FGF12: variants seen among roughly 807,000 people sequenced by gnomAD.
FGF12 encodes fibroblast growth factor 12.
Under a neutral mutation model 23.6 loss-of-function variants are expected in FGF12, and 14 were observed. The ratio of observed to expected loss-of-function variants is 0.59; its 90% CI spans 0.39 to 0.93. The LOEUF is 0.93. Ranked by LOEUF, FGF12 falls within the 40% of genes least tolerant of loss-of-function variation. The pLI is 0.00. For missense variants in FGF12, 175 were observed against 217.8 expected (o/e 0.80, Z 1.24); for synonymous variants, 62 against 77.3 (o/e 0.80, Z 1.04).
At chr3:192,252,539 GAA>G (rs1420604498) in intron 4 of FGF12, among the ~76,000 whole-genome samples, 3 of 106,418 alleles carry the variant, frequency 2.8e-5, no homozygotes, top group South Asian at 6.5e-4. Context: ...GACAAGAAAA[GAA>G]AAGTCTTCTC....
intron 2 of FGF12, among the ~76,000 whole-genome samples, chr3:192,486,464 A>G (rs1723637320): frequency 6.6e-6 from 1 of 152,086 alleles, no homozygotes; most frequent in South Asian, 2.1e-4. Context: ...CCATGTAAAA[A>G]CAAAGAGTGA....
At chr3:192,173,093 G>A (rs73060450) in intron 4 of FGF12, among the ~76,000 whole-genome samples, 39 of 150,916 alleles carry the variant, frequency 2.6e-4, no homozygotes, top group African/African-American at 8.5e-4. Flanking sequence ...AAGCAAATCC[G>A]GAGATAGTAA....
rs570326402 is a variant in FGF12, at chr3:192,716,480, C to T, written c.13+10701G>A. On this transcript the variant is annotated intron_variant, in intron 2 of 5. Coordinates refer to ENST00000445105, the MANE Select transcript of FGF12 (RefSeq NM_004113.6). ...TCAGTTTTTATTGCATAATTTAAAA[C>T]GAGTATATCTTAACTACATTGTTTT... Among the ~76,000 whole-genome samples the T allele has an allele frequency of 4.6e-5, 7 of 152,244 alleles. No individual in the cohort carries two copies. In the East Asian group the frequency reaches 5.8e-4, roughly 13 times the overall value.
chr3:192,217,789 A>G (rs1718267334), intron 4 of FGF12, among the ~76,000 whole-genome samples: 1 of 152,080 alleles, frequency 6.6e-6, no homozygotes, highest in African/African-American at 2.4e-5. Context: ...AATTCATGAT[A>G]TATGACATAC....
intron 2 of FGF12, among the ~76,000 whole-genome samples, chr3:192,681,981 A>C (rs2108708257): frequency 6.6e-6 from 1 of 152,214 alleles, no homozygotes; most frequent in African/African-American, 2.4e-5. Context: ...TTCTCTGCCC[A>C]CCCTTTTTAT....
At chr3:192,289,864 T>C (rs1220347098) in intron 4 of FGF12, among the ~76,000 whole-genome samples, 2 of 152,188 alleles carry the variant, frequency 1.3e-5, no homozygotes, top group South Asian at 2.1e-4. Flanking sequence ...CCAGTTATAA[T>C]AATTTATTTT....
chr3:192,191,836 A>C (rs1412442200), intron 4 of FGF12, among the ~76,000 whole-genome samples: 1 of 82,668 alleles, frequency 1.2e-5, no homozygotes, highest in Non-Finnish European at 2.2e-5. Context: ...ACTCCGTCTC[A>C]AAAAAAAAAA....
At chr3:192,697,203 G>A (rs542150998) in intron 2 of FGF12, among the ~76,000 whole-genome samples, 1 of 152,244 alleles carries the variant, frequency 6.6e-6, no homozygotes, top group African/African-American at 2.4e-5. Context: ...TTACTAGAGG[G>A]GCTCTGAGGA....
At chr3:192,688,270 G>C (rs1717827258) in intron 2 of FGF12, among the ~76,000 whole-genome samples, 1 of 151,784 alleles carries the variant, frequency 6.6e-6, no homozygotes, top group African/African-American at 2.4e-5. Flanking sequence ...CCTTGACCTG[G>C]AGCTACTGTA....
chr3:192,458,579 G>A (rs1722757211), intron 2 of FGF12, among the ~76,000 whole-genome samples: 2 of 152,160 alleles, frequency 1.3e-5, no homozygotes, highest in African/African-American at 2.4e-5. Flanking sequence ...ATTTGGAATG[G>A]CTGTATTTAC....
chr3:192,205,760 A>G (rs1717616201), intron 4 of FGF12, among the ~76,000 whole-genome samples: 1 of 152,222 alleles, frequency 6.6e-6, no homozygotes, highest in Admixed American at 6.5e-5. Flanking sequence ...ATAATTGATT[A>G]TGGGATCATA....
At chr3:192,168,951 T>A (rs1263675655) in intron 5 of FGF12, among the ~76,000 whole-genome samples, 1 of 152,088 alleles carries the variant, frequency 6.6e-6, no homozygotes, top group East Asian at 1.9e-4. Context: ...ACTCTTGAAT[T>A]ATTTTTTTCC....
At chr3:192,518,577 T>C (rs1724736493) in intron 2 of FGF12, among the ~76,000 whole-genome samples, 1 of 152,186 alleles carries the variant, frequency 6.6e-6, no homozygotes, top group Non-Finnish European at 1.5e-5. Flanking sequence ...TCATGCCAGG[T>C]TGCAAAACTT....
At chr3:192,600,281 T>A (rs1714059841) in intron 2 of FGF12, among the ~76,000 whole-genome samples, 1 of 152,124 alleles carries the variant, frequency 6.6e-6, no homozygotes, top group Non-Finnish European at 1.5e-5. Flanking sequence ...TCATGCTATT[T>A]TAGTTACTAC....
At chr3:192,715,319 G>A (rs1459484186) in intron 2 of FGF12, among the ~76,000 whole-genome samples, 1 of 152,140 alleles carries the variant, frequency 6.6e-6, no homozygotes, top group Non-Finnish European at 1.5e-5. Flanking sequence ...CATGGTTCAT[G>A]AGGAAAGAGT....
At position 192,544,476 on chromosome 3, in the gene FGF12, A is replaced by G. The variant is rs552385227; in HGVS notation, c.13+182705T>C. Among the ~76,000 whole-genome samples, 4 of 152,258 alleles carry G rather than the reference A, an allele frequency of 2.6e-5. No homozygotes were observed. The East Asian group carries it at 7.7e-4, about 29-fold the overall frequency. ...CCATCTTGCGCTGCCTTCCTCTCTGATATTTTAATTTTTAGAAGGAGTAAG... is the reference window on the plus strand; with the variant it reads ...CCATCTTGCGCTGCCTTCCTCTCTGGTATTTTAATTTTTAGAAGGAGTAAG... On this transcript the variant is annotated intron_variant, in intron 2 of 5. Coordinates refer to ENST00000445105, the MANE Select transcript of FGF12 (RefSeq NM_004113.6).
At chr3:192,149,314 C>CT (rs532451933) in intron 5 of FGF12, among the ~76,000 whole-genome samples, 48 of 109,210 alleles carry the variant, frequency 4.4e-4, no homozygotes, top group African/African-American at 1.4e-3. Flanking sequence ...AGCATTTGAA[C>CT]CTTTTTTTTA....
intron 2 of FGF12, among the ~76,000 whole-genome samples, chr3:192,581,047 G>A (rs9881729): frequency 0.033 from 5,087 of 152,196 alleles, 283 homozygotes; most frequent in African/African-American, 0.11. Context: ...TGCATAAAAT[G>A]TCTATTAAAA....
At chr3:192,491,369 C>T (rs1723798774) in intron 2 of FGF12, among the ~76,000 whole-genome samples, 1 of 152,116 alleles carries the variant, frequency 6.6e-6, no homozygotes, top group African/African-American at 2.4e-5. Context: ...AAATAGCTTT[C>T]TATAAAACAT....
Sources: allele counts gnomAD v4.1 joint callset (sites outside exome capture counted in the v4.1 genomes callset), GRCh38; gene constraint gnomAD v4.1.1; transcripts MANE v1.5; gene names NCBI Gene and HGNC (gene_info 2026-07-23, HGNC 2026-07-21).